FOXP1: variants seen among roughly 807,000 people sequenced by gnomAD.
FOXP1 encodes the protein forkhead box protein P1.
A neutral mutation model predicts 98.2 loss-of-function variants in FOXP1; 15 were observed. The observed-to-expected ratio is 0.15, with a 90% CI of 0.10 to 0.24. The LOEUF (loss-of-function observed/expected upper bound fraction) is 0.24. FOXP1 is among the 10% of genes least tolerant of loss of function. The pLI, the probability that FOXP1 is intolerant of heterozygous loss-of-function variation, is 1.00. For synonymous variants in FOXP1, 371 were observed against 314.5 expected (o/e 1.18, Z -1.90); for missense variants, 633 against 848.5 (o/e 0.75, Z 3.15).
rs182807290 is a variant in FOXP1, at chr3:71,250,321, G to A, written c.-12+49499C>T. ...GCCCAACAGAACTTTCTGTGACAAC[G>A]GAAATGTTCTATGCCTACAACATCC... is the stretch of plus-strand genomic sequence containing the variant. On this transcript the variant is annotated intron_variant, in intron 5 of 20. Transcript: ENST00000649528. 2.3e-3 allele frequency among the ~76,000 whole-genome samples: 350 copies of A among 152,282 alleles called. 4 individuals are homozygous for A. Among genetic ancestry groups the A allele is most frequent in the African/African-American group, 7.7e-3 (319 of 41,550 alleles).
At chr3:71,371,375 C>A (rs1384855022) in intron 3 of FOXP1, among the ~76,000 whole-genome samples, 4 of 152,302 alleles carry the variant, frequency 2.6e-5, no homozygotes, top group East Asian at 1.9e-4. Context: ...GCCTCTCCCC[C>A]AAAGAAGCCT....
chr3:71,077,628 A>G (rs2053934085), intron 7 of FOXP1, among the ~76,000 whole-genome samples: 1 of 152,150 alleles, frequency 6.6e-6, no homozygotes, highest in Non-Finnish European at 1.5e-5. Flanking sequence ...TCTCTGTGCT[A>G]GTCACTTCAT....
intron 4 of FOXP1, among the ~76,000 whole-genome samples, chr3:71,310,048 C>T (rs542078806): frequency 2.0e-5 from 3 of 152,318 alleles, no homozygotes; most frequent in African/African-American, 7.2e-5. Context: ...TGCAAGTCAG[C>T]ACATTCACTG....
At chr3:71,449,447 T>A (rs1273320908) in intron 3 of FOXP1, among the ~76,000 whole-genome samples, 1 of 152,194 alleles carries the variant, frequency 6.6e-6, no homozygotes, top group East Asian at 1.9e-4. Flanking sequence ...CTCCAAGATG[T>A]ACACTGATGG....
intron 5 of FOXP1, among the ~76,000 whole-genome samples, chr3:71,222,458 G>A (rs769996574): frequency 1.5e-4 from 23 of 151,822 alleles, no homozygotes; most frequent in Non-Finnish European, 2.5e-4. Flanking sequence ...TCGCTCTGTC[G>A]CCCAGGCTGG....
At chr3:71,007,622 C>A (rs376720813) in intron 12 of FOXP1, among the ~76,000 whole-genome samples, 1 of 152,086 alleles carries the variant, frequency 6.6e-6, no homozygotes, top group African/African-American at 2.4e-5. Flanking sequence ...GCCTCTTTGT[C>A]GAGGCTTTCT....
chr3:70,968,365 T>G (rs901060375), intron 19 of FOXP1: 5 of 64,958 alleles, frequency 7.7e-5, no homozygotes, highest in African/African-American at 1.9e-4. Flanking sequence ...AACAAAGTGT[T>G]TTTTTTTTTT....
At chr3:71,582,682 C>G in intron 1 of FOXP1, 1 of 985,362 alleles carries the variant, frequency 1.0e-6, no homozygotes, top group South Asian at 4.7e-5. Flanking sequence ...CGCAGCGCAT[C>G]CGGCTCCCGC....
rs968602218 is a variant in FOXP1, at chr3:71,533,961, GAGA to G, written c.-297-40409_-297-40407del. Among the ~76,000 whole-genome samples the G allele has an allele frequency of 1.6e-4, 24 of 152,272 alleles. 1 individual carries two copies. The highest frequency in any genetic ancestry group is 9.8e-4 in the Admixed American group (15 of 15,290). On this transcript the variant is annotated intron_variant, in intron 2 of 20. Transcript: ENST00000649528. ...ACGGGAAGCCCAATTGTTCAAAAAAGAGAAGGAGCATAATCACAGTTGTCCGTC... is the reference window on the plus strand; with the variant it reads ...ACGGGAAGCCCAATTGTTCAAAAAAGAGGAGCATAATCACAGTTGTCCGTC...
rs531977793 is a variant in FOXP1, at chr3:71,517,830, A to G, written c.-297-24275T>C. On this transcript the variant is annotated intron_variant, in intron 2 of 20. Transcript: ENST00000649528. ...CTCGCTGGACTACTGCAAAGATACA[A>G]CTAACTAGGTAATGTCTACATCTAA... Among the ~76,000 whole-genome samples, 12 of 152,352 alleles carry G rather than the reference A, an allele frequency of 7.9e-5. No individual in the cohort carries two copies. In the South Asian group the frequency reaches 2.1e-3, roughly 26 times the overall value.
chr3:71,049,845 G>A (rs536935963), intron 9 of FOXP1, among the ~76,000 whole-genome samples: 3 of 152,222 alleles, frequency 2.0e-5, no homozygotes, highest in South Asian at 4.2e-4. Context: ...AATTCCAGGA[G>A]ACTGGTCCCT....
In FOXP1 at chr3:70,954,959, C is replaced by T; in HGVS notation, c.*4288G>A. 4.3e-6 allele frequency: 1 copy of T among 232,776 alleles called. No homozygotes were observed. 14.4% of individuals were successfully genotyped at this position (232,776 alleles called of 1,614,324 possible). ...ACCATGCTCACAGTCCGGACTGTAT[C>T]ATCTTCATCAAGGCTTATGGGTAGC... is the stretch of plus-strand genomic sequence containing the variant. On this transcript the variant is annotated 3_prime_UTR_variant, in exon 21 of 21. Coordinates refer to ENST00000649528, the MANE Select transcript of FOXP1 (RefSeq NM_001349338.3).
At chr3:71,279,983 C>T (rs936782862) in intron 5 of FOXP1, among the ~76,000 whole-genome samples, 2 of 151,664 alleles carry the variant, frequency 1.3e-5, no homozygotes, top group South Asian at 2.1e-4. Flanking sequence ...ATTAGCCGGG[C>T]GTGGTGATGG....
rs983360227 is a variant in FOXP1, at chr3:71,324,408, C to A, written c.-72-24528G>T. Among the ~76,000 whole-genome samples, 4 of 152,168 alleles carry A rather than the reference C, an allele frequency of 2.6e-5. No homozygotes were observed. In the East Asian group the frequency reaches 5.8e-4, roughly 22 times the overall value. ...TAGACTGGATTAAGAAAATGTGGCA[C>A]ATACACATCATGGAATACTATGCAG... On this transcript the variant is annotated intron_variant, in intron 4 of 20. Transcript: ENST00000649528.
intron 5 of FOXP1, chr3:71,296,314 T>A (rs1289998384): frequency 6.6e-6 from 1 of 152,224 alleles, no homozygotes; most frequent in Admixed American, 6.5e-5. Flanking sequence ...GATGCTGATT[T>A]TTTTGTCCAT....
chr3:71,308,362 C>G (rs1403795580), intron 4 of FOXP1, among the ~76,000 whole-genome samples: 1 of 152,176 alleles, frequency 6.6e-6, no homozygotes, highest in Non-Finnish European at 1.5e-5. Flanking sequence ...AAAGGCAAAA[C>G]ATCTTTCAGT....
At chr3:71,574,912 C>A (rs1412831603) in intron 2 of FOXP1, among the ~76,000 whole-genome samples, 2 of 152,166 alleles carry the variant, frequency 1.3e-5, no homozygotes, top group African/African-American at 4.8e-5. Flanking sequence ...TTTGTGCCCT[C>A]CTGAAAAAGG....
intron 5 of FOXP1, among the ~76,000 whole-genome samples, chr3:71,278,694 T>G (rs2071183467): frequency 6.6e-6 from 1 of 152,084 alleles, no homozygotes; most frequent in Non-Finnish European, 1.5e-5. Flanking sequence ...AGCAGGAGAA[T>G]CCACTTGAAC....
intron 11 of FOXP1, 82 bp downstream of exon 11, chr3:71,041,246 C>T (rs1049609137): frequency 9.6e-7 from 1 of 1,044,564 alleles, no homozygotes; most frequent in Non-Finnish European, 1.5e-6. Context: ...AATTAGGGAT[C>T]ACTGAGATAT....
Sources: gnomAD v4.1 joint callset for allele counts (sites outside exome capture counted in the v4.1 genomes callset) on GRCh38, gnomAD v4.1.1 for gene constraint, MANE v1.5 for transcripts, NCBI Gene and HGNC (gene_info 2026-07-23, HGNC 2026-07-21) for gene names.